EPB41L3: variants seen among roughly 807,000 people sequenced by gnomAD.
The protein encoded by EPB41L3 is erythrocyte membrane protein band 4.1 like 3, also known as band 4.1-like protein 3.
EPB41L3 carries 57 observed loss-of-function variants against 127.1 expected under a neutral mutation model. The observed-to-expected ratio is 0.45, with a 90% CI of 0.36 to 0.56. The LOEUF (loss-of-function observed/expected upper bound fraction) is 0.56. Ranked by LOEUF, EPB41L3 falls within the 20% of genes least tolerant of loss-of-function variation. The probability of loss-of-function intolerance (pLI) is 0.00; values close to 1 mark genes in which losing one functional copy is unlikely to be tolerated. For synonymous variants in EPB41L3, 572 were observed against 549.5 expected (o/e 1.04, Z -0.57); for missense variants, 1,273 against 1,372.2 (o/e 0.93, Z 1.14).
chr18:5,606,770 G>A (rs1197908934), intron 3 of EPB41L3, among the ~76,000 whole-genome samples: 1 of 152,032 alleles, frequency 6.6e-6, no homozygotes, highest in Non-Finnish European at 1.5e-5. Context: ...TACTACAGAA[G>A]CTCTTGAGAA....
chr18:5,434,003 G>T lies in EPB41L3; in HGVS notation c.724C>A (p.Pro242Thr). The T allele has an allele frequency of 6.2e-7, 1 of 1,614,100 alleles. No homozygotes were observed. Among genetic ancestry groups the T allele is most frequent in the Non-Finnish European group, 8.5e-7 (1 of 1,180,020 alleles). Reference protein sequence around the residue: ...TVQSELGDYDPDECGSDYISE... With the variant: ...TVQSELGDYDTDECGSDYISE... Reference sequence around the variant, plus strand: ...ATGTAATCGCTCCCACATTCATCTGGGTCATAGTCTCCGAGCTCTGACTGG... The same window carrying T: ...ATGTAATCGCTCCCACATTCATCTGTGTCATAGTCTCCGAGCTCTGACTGG... The change falls in exon 7 of 23, where the codon CCA becomes ACA. Residue 242 changes from proline (P) to threonine (T), a missense_variant. Around this residue, in one of 3 missense-constraint regions of EPB41L3, gnomAD observed 326 missense variants for 440.2 expected, o/e 0.74. Coordinates refer to ENST00000341928, the MANE Select transcript of EPB41L3 (RefSeq NM_012307.5).
rs542904773 is a variant in EPB41L3 at position 5,625,997 on chromosome 18, C to CTGCTTGA, written c.-468+2918_-468+2924dup. ...TTCTCCATTCTGATCTTCATTTATGCTGCTTGACTGAAATCGCACCCAATC... is the reference window on the plus strand; with the variant it reads ...TTCTCCATTCTGATCTTCATTTATGCTGCTTGATGCTTGACTGAAATCGCACCCAATC... On this transcript the variant is annotated intron_variant, in intron 1 of 21. Coordinates refer to the EPB41L3 transcript ENST00000545076. 1.1e-3 allele frequency among the ~76,000 whole-genome samples: 165 copies of CTGCTTGA among 151,116 alleles called. No homozygotes were observed. In the East Asian group the frequency reaches 0.022, roughly 20 times the overall value.
intron 2 of EPB41L3, among the ~76,000 whole-genome samples, chr18:5,478,749 G>A (rs560411100): frequency 1.6e-4 from 24 of 152,106 alleles, no homozygotes; most frequent in Admixed American, 3.9e-4. Context: ...AAAAAGGATT[G>A]GATAGTATAG....
At chr18:5,559,270 TACAAATA>T (rs1464577432) in intron 3 of EPB41L3, among the ~76,000 whole-genome samples, 1 of 152,326 alleles carries the variant, frequency 6.6e-6, no homozygotes, top group African/African-American at 2.4e-5. Flanking sequence ...AAGCCCTCTT[TACAAATA>T]AATGGAGGAG....
intron 3 of EPB41L3, among the ~76,000 whole-genome samples, chr18:5,596,038 A>G (rs1460233325): frequency 6.6e-6 from 1 of 152,222 alleles, no homozygotes; most frequent in East Asian, 1.9e-4. Context: ...TGTTTAAACA[A>G]TGAGGTATAA....
chr18:5,449,945 T>G (rs992881658), intron 3 of EPB41L3, among the ~76,000 whole-genome samples: 4 of 152,202 alleles, frequency 2.6e-5, no homozygotes, highest in African/African-American at 9.7e-5. Context: ...CAAAATATAC[T>G]GTAATAAAAG....
At chr18:5,608,582 G>C (rs543611950) in intron 3 of EPB41L3, among the ~76,000 whole-genome samples, 59 of 152,130 alleles carry the variant, frequency 3.9e-4, no homozygotes, top group Non-Finnish European at 7.1e-4. Context: ...TCTTCAGAAG[G>C]CTTTCAAGGT....
intron 1 of EPB41L3, 38 bp from the exon 2 acceptor site, chr18:5,489,232 G>A (rs769248277): frequency 1.3e-6 from 2 of 1,562,412 alleles, no homozygotes; most frequent in East Asian, 4.7e-5. Context: ...GTCACTCCGT[G>A]CCACTACCTT....
chr18:5,441,439 A>G (rs2080708470), intron 5 of EPB41L3, among the ~76,000 whole-genome samples: 2 of 151,514 alleles, frequency 1.3e-5, no homozygotes, highest in Non-Finnish European at 1.5e-5. Context: ...AACAAAGAAT[A>G]CAGGTAAAAA....
chr18:5,549,945 T>A (rs946930655), intron 3 of EPB41L3, among the ~76,000 whole-genome samples: 2 of 152,196 alleles, frequency 1.3e-5, no homozygotes, highest in South Asian at 2.1e-4. Flanking sequence ...ATTGCTTGGA[T>A]CCTGTCATTG....
At chr18:5,498,608 A>AAAAAAAAG (rs1448249391) in intron 1 of EPB41L3, among the ~76,000 whole-genome samples, 3 of 144,696 alleles carry the variant, frequency 2.1e-5, no homozygotes, top group East Asian at 2.0e-4. Context: ...AAAAAAAAAA[A>AAAAAAAAG]AAAGAAAATG....
chr18:5,396,862 T>G (rs2143752503), intron 18 of EPB41L3, among the ~76,000 whole-genome samples, 196 bp downstream of exon 18: 1 of 152,274 alleles, frequency 6.6e-6, no homozygotes, highest in African/African-American at 2.4e-5. Context: ...AGAGATATGT[T>G]TGCATGTGAC....
rs1412742648 is a variant in EPB41L3 at position 5,543,276 on chromosome 18, C to G, written c.-12+637G>C. On this transcript the variant is annotated intron_variant, in intron 1 of 22. Coordinates refer to ENST00000341928, the MANE Select transcript of EPB41L3 (RefSeq NM_012307.5). The surrounding 1 kb of genome is among the most constrained non-coding windows in gnomAD (Gnocchi z 5.2). ...GGCAAGTTATATAAAAGCGGCCGGCCCCCCTGCCCAGCGGGGATGCTTTGT... is the reference window on the plus strand; with the variant it reads ...GGCAAGTTATATAAAAGCGGCCGGCGCCCCTGCCCAGCGGGGATGCTTTGT... The G allele has an allele frequency of 6.6e-6, 1 of 150,748 alleles. No homozygotes were observed. Among genetic ancestry groups the G allele is most frequent in the East Asian group, 1.9e-4 (1 of 5,138 alleles). 9.3% of individuals were successfully genotyped at this position (150,748 alleles called of 1,614,324 possible).
intron 3 of EPB41L3, among the ~76,000 whole-genome samples, chr18:5,604,753 C>T (rs2094630845): frequency 6.6e-6 from 1 of 152,122 alleles, no homozygotes; most frequent in African/African-American, 2.4e-5. Flanking sequence ...TGTGCCCGGC[C>T]TTAAAAACCA....
chr18:5,474,406 ACTC>A (rs981918145), intron 3 of EPB41L3, among the ~76,000 whole-genome samples: 2 of 151,162 alleles, frequency 1.3e-5, no homozygotes, highest in African/African-American at 4.9e-5. Flanking sequence ...TCAGATAACT[ACTC>A]CTTCTATCTT....
chr18:5,630,538 A>T (rs951754650), upstream of EPB41L3: 1 of 516,730 alleles, frequency 1.9e-6, no homozygotes, highest in Admixed American at 1.9e-5. Context: ...TCCGGGGTCC[A>T]GTCTCGGGCT....
At chr18:5,560,963 ATTTAT>A (rs2094118765) in intron 3 of EPB41L3, among the ~76,000 whole-genome samples, 1 of 142,150 alleles carries the variant, frequency 7.0e-6, no homozygotes, top group Non-Finnish European at 1.5e-5. Flanking sequence ...TTATTTATTT[ATTTAT>A]TTATTTATTT....
intron 1 of EPB41L3, among the ~76,000 whole-genome samples, chr18:5,503,414 A>C (rs2091906608): frequency 1.3e-5 from 2 of 152,200 alleles, no homozygotes; most frequent in Non-Finnish European, 2.9e-5. Context: ...GGTGTACAGA[A>C]TCTCCACAGC....
At chr18:5,435,338 C>T (rs931382921) in intron 6 of EPB41L3, among the ~76,000 whole-genome samples, 1 of 152,212 alleles carries the variant, frequency 6.6e-6, no homozygotes, top group Non-Finnish European at 1.5e-5. Flanking sequence ...CCCATTCACT[C>T]TTCACTCACT....
Sources: gnomAD v4.1 joint callset for allele counts (sites outside exome capture counted in the v4.1 genomes callset) on GRCh38, gnomAD v4.1.1 for gene constraint, gnomAD v4.1.1 regional missense constraint, Gnocchi (gnomAD v3.1) non-coding constraint, MANE v1.5 for transcripts, NCBI Gene and HGNC (gene_info 2026-07-23, HGNC 2026-07-21) for gene names.